The following SEC14L5 variants were observed in gnomAD, a reference collection of about 807,000 sequenced individuals.
SEC14L5 encodes the protein SEC14 like lipid binding 5.
Under a neutral mutation model 84.6 loss-of-function variants are expected in SEC14L5, and 96 were observed. The ratio of observed to expected loss-of-function variants is 1.13; its 90% CI spans 0.96 to 1.34. The LOEUF (loss-of-function observed/expected upper bound fraction) is 1.34. Ranked by LOEUF, SEC14L5 falls within the 40% of genes most tolerant of loss-of-function variation. The pLI is 0.00. For synonymous variants in SEC14L5, 546 were observed against 383.4 expected, an observed-to-expected ratio of 1.42 and a Z score of -4.95; for missense variants, 1,224 against 942.5, an observed-to-expected ratio of 1.30 and a Z score of -3.91.
intron 2 of SEC14L5, among the ~76,000 whole-genome samples, chr16:4,985,209 A>C (rs1955470418): frequency 6.6e-6 from 1 of 152,028 alleles, no homozygotes; most frequent in Non-Finnish European, 1.5e-5. Flanking sequence ...GCTTTTAAAA[A>C]ATTATTATTA....
intron 14 of SEC14L5, among the ~76,000 whole-genome samples, chr16:5,008,957 C>G (rs1348417724): frequency 3.7e-4 from 56 of 152,200 alleles, no homozygotes; most frequent in Non-Finnish European, 1.6e-4. Context: ...CTAACAGGAT[C>G]CAACTGTATT....
rs1226033565 is a variant in SEC14L5 at position 4,989,049 on chromosome 16, TG to T, written c.345+774del. On this transcript the variant is annotated intron_variant, in intron 4 of 15. Transcript: ENST00000251170. ...TCATGGAGGACTGGGAACAGCATTTTGGGGGTGGGAACAGCATGAGTGAGGT... is the reference window on the plus strand; with the variant it reads ...TCATGGAGGACTGGGAACAGCATTTTGGGGTGGGAACAGCATGAGTGAGGT... Among the ~76,000 whole-genome samples the T allele has an allele frequency of 2.0e-5, 3 of 152,192 alleles. 1 individual carries two copies. The highest frequency in any genetic ancestry group is 4.4e-5 in the Non-Finnish European group (3 of 68,040).
chr16:4,987,500 G>GGA (rs1357561759), intron 2 of SEC14L5, 57 bp from the exon 3 acceptor site: 13 of 1,257,942 alleles, frequency 1.0e-5, no homozygotes, highest in African/African-American at 6.2e-5. Flanking sequence ...GTCGCGCTGG[G>GGA]GGGGGGGGTC....
At chr16:5,003,617 G>GCCCCC in intron 11 of SEC14L5, 44 bp downstream of exon 11, 2 of 592,402 alleles carry the variant, frequency 3.4e-6, no homozygotes, top group Non-Finnish European at 5.7e-6. Flanking sequence ...GGGGGTGGGT[G>GCCCCC]GGATGGGAGG....
Position 5,011,403 on chromosome 16 carries a change from T to G in SEC14L5, c.1979+130T>G, listed in dbSNP as rs878912426. 32 of 900,086 alleles carry G rather than the reference T, an allele frequency of 3.6e-5. No homozygotes were observed. In the South Asian group the frequency reaches 5.0e-4, roughly 14 times the overall value. 55.8% of individuals were successfully genotyped at this position (900,086 alleles called of 1,614,324 possible). On this transcript the variant is annotated intron_variant, in intron 15 of 15. Transcript: ENST00000251170. Reference sequence around the variant, plus strand: ...GGTGGGACCCCAGCATGGGTATGGTTGGAGTTCTCAGGTGACACAGCCCCG... The same window carrying G: ...GGTGGGACCCCAGCATGGGTATGGTGGGAGTTCTCAGGTGACACAGCCCCG...
chr16:4,959,234 G>T, intron 1 of SEC14L5, 39 bp from the exon 2 acceptor site: 1 of 979,262 alleles, frequency 1.0e-6, no homozygotes, highest in African/African-American at 1.6e-5. Flanking sequence ...TGCTTCCCGA[G>T]GTGGGAGCTG....
In SEC14L5 at chr16:5,018,779, T is replaced by C. The variant is rs1955901377; in HGVS notation, c.*3809T>C. 2 of 152,148 alleles carry C rather than the reference T, an allele frequency of 1.3e-5. No individual in the cohort carries two copies. Among genetic ancestry groups the C allele is most frequent in the Admixed American group, 1.3e-4 (2 of 15,282 alleles). The allele number at this position is 152,148 out of a possible 1,614,324, so 9.4% of individuals were successfully genotyped here. A position where few individuals can be genotyped will look rare whatever the true frequency, so the allele number is the denominator to read the frequency against. On this transcript the variant is annotated 3_prime_UTR_variant, in exon 16 of 16. Transcript: ENST00000251170. ...ATGTTTTTTCCCAGAGGTTGAAGTA[T>C]GGAGAGTTTGAGACTCTTTTTTTCT...
chr16:5,004,585 T>G (rs1955711084), intron 11 of SEC14L5, among the ~76,000 whole-genome samples: 1 of 148,292 alleles, frequency 6.7e-6, no homozygotes, highest in African/African-American at 2.5e-5. Flanking sequence ...GGGACAGGGG[T>G]GGGGGCAGGG....
chr16:5,018,872 G>A lies in SEC14L5; in HGVS notation c.*3902G>A, dbSNP rs930037198. 3.9e-5 allele frequency: 6 copies of A among 152,174 alleles called. No homozygotes were observed. In the East Asian group the frequency reaches 9.6e-4, roughly 24 times the overall value. The allele number at this position is 152,174 out of a possible 1,614,324, so 9.4% of individuals were successfully genotyped here. Reference sequence around the variant, plus strand: ...ATTGTCCAATGAGAATAGTATAATTGTTTTCAACAAAGTCTCTTTGAGCCA... The same window carrying A: ...ATTGTCCAATGAGAATAGTATAATTATTTTCAACAAAGTCTCTTTGAGCCA... On this transcript the variant is annotated 3_prime_UTR_variant, in exon 16 of 16. Transcript: ENST00000251170.
intron 11 of SEC14L5, 51 bp downstream of exon 11, chr16:5,003,624 GA>G: frequency 3.3e-5 from 10 of 305,310 alleles, no homozygotes; most frequent in East Asian, 2.0e-4. Flanking sequence ...GGTGGGATGG[GA>G]GGGGTTCCGT....
intron 15 of SEC14L5, among the ~76,000 whole-genome samples, chr16:5,012,458 G>C (rs1160283674): frequency 6.6e-6 from 1 of 152,214 alleles, no homozygotes; most frequent in Non-Finnish European, 1.5e-5. Context: ...CGCCCTCAGG[G>C]GGCAGGTGGT....
rs1955890707 is a variant in SEC14L5 at position 5,017,662 on chromosome 16, A to G, written c.*2692A>G. The G allele has an allele frequency of 1.3e-5, 2 of 152,240 alleles. No homozygotes were observed. The highest frequency in any genetic ancestry group is 4.8e-5 in the African/African-American group (2 of 41,456). The allele number at this position is 152,240 out of a possible 1,614,324, so 9.4% of individuals were successfully genotyped here. On this transcript the variant is annotated 3_prime_UTR_variant, in exon 16 of 16. Coordinates refer to ENST00000251170, the MANE Select transcript of SEC14L5 (RefSeq NM_014692.2). ...TGACATTCCCTGCAGAAGCCGCAGC[A>G]GGATTGGGGAGGGCCATTCCCCCAA... is the stretch of plus-strand genomic sequence containing the variant.
At chr16:4,987,776 G>A in intron 3 of SEC14L5, 70 bp downstream of exon 3, 6 of 1,222,462 alleles carry the variant, frequency 4.9e-6, no homozygotes, top group Non-Finnish European at 6.5e-6. Context: ...CTGGGCGCGG[G>A]AGCTGGGGAC....
chr16:5,012,595 T>C (rs949421892), intron 15 of SEC14L5, among the ~76,000 whole-genome samples: 1 of 152,168 alleles, frequency 6.6e-6, no homozygotes, highest in African/African-American at 2.4e-5. Context: ...GTTAGTCCGT[T>C]TCCACACTGT....
chr16:4,981,255 G>GTTTTTTT lies in SEC14L5; in HGVS notation c.64-6280_64-6274dup, dbSNP rs58882220. Among the ~76,000 whole-genome samples, 11 of 92,904 alleles carry GTTTTTTT rather than the reference G, an allele frequency of 1.2e-4. 2 individuals are homozygous for GTTTTTTT. The highest frequency in any genetic ancestry group is 1.2e-4 in the Non-Finnish European group (6 of 48,098). The allele number at this position is 92,904 out of a possible 152,430, so 60.9% of individuals were successfully genotyped here. On this transcript the variant is annotated intron_variant, in intron 2 of 15. Transcript: ENST00000251170. ...ATGCACCAGCACGTCTAGCTAATTG[G>GTTTTTTT]TTTTTTTTTTTTTTTTTTTTTTTTT...
At chr16:4,977,380 G>T (rs1467927120) in intron 2 of SEC14L5, among the ~76,000 whole-genome samples, 1 of 144,666 alleles carries the variant, frequency 6.9e-6, no homozygotes, top group Non-Finnish European at 1.5e-5. Flanking sequence ...CCAGGAGGCG[G>T]AGGCGGCAGT....
intron 10 of SEC14L5, among the ~76,000 whole-genome samples, chr16:5,002,583 G>A (rs1202200522): frequency 1.3e-5 from 2 of 152,186 alleles, no homozygotes; most frequent in African/African-American, 2.4e-5. Context: ...GTCCTGGCCG[G>A]AAGCATAATT....
chr16:4,994,903 A>G, intron 6 of SEC14L5, among the ~76,000 whole-genome samples: 1 of 152,076 alleles, frequency 6.6e-6, no homozygotes, highest in East Asian at 1.9e-4. Context: ...AGAAGTAGAA[A>G]AAGCCTTCAC....
intron 2 of SEC14L5, among the ~76,000 whole-genome samples, chr16:4,972,873 C>A (rs947465927): frequency 6.6e-6 from 1 of 152,188 alleles, no homozygotes; most frequent in African/African-American, 2.4e-5. Context: ...CAATGTGGTA[C>A]CTGGCATTGT....
Sources: gnomAD v4.1 joint callset for allele counts (sites outside exome capture counted in the v4.1 genomes callset) on GRCh38, gnomAD v4.1.1 for gene constraint, MANE v1.5 for transcripts, NCBI Gene and HGNC (gene_info 2026-07-23, HGNC 2026-07-21) for gene names.